GALNT11: variants seen among roughly 807,000 people sequenced by gnomAD.
The protein encoded by GALNT11 is polypeptide N-acetylgalactosaminyltransferase 11, also known as UDP-GalNAc:polypeptide N-acetylgalactosaminyltransferase 11.
A neutral mutation model predicts 72.7 loss-of-function variants in GALNT11; 47 were observed. The ratio of observed to expected loss-of-function variants is 0.65; its 90% CI spans 0.51 to 0.82. The LOEUF (loss-of-function observed/expected upper bound fraction) is 0.82. Among genes scored for constraint, GALNT11 ranks in the 40% least tolerant of loss-of-function variants. The pLI, the probability that GALNT11 is intolerant of heterozygous loss-of-function variation, is 0.00. For synonymous variants in GALNT11, 270 were observed against 286.6 expected (o/e 0.94, Z 0.58); for missense variants, 677 against 778.4 (o/e 0.87, Z 1.55).
At chr7:152,119,403 T>A (rs534179368) in intron 10 of GALNT11, 1 of 152,178 alleles carries the variant, frequency 6.6e-6, no homozygotes, top group South Asian at 2.1e-4. Flanking sequence ...AATTGTAGTG[T>A]CTCATTTCTA....
chr7:152,064,885 A>G lies in GALNT11; in HGVS notation c.-38-29305A>G, dbSNP rs1419671129. On this transcript the variant is annotated intron_variant, in intron 1 of 11. Coordinates refer to ENST00000430044, the MANE Select transcript of GALNT11 (RefSeq NM_022087.4). ...ACCTTTGTCTCTGGCTGCCCTTAAC[A>G]TTTTTTCCTTCATTTCAAATTTGGT... Among the ~76,000 whole-genome samples, 7 of 152,010 alleles carry G rather than the reference A, an allele frequency of 4.6e-5. No individual in the cohort carries two copies. In the East Asian group the frequency reaches 1.4e-3, roughly 29 times the overall value.
intron 9 of GALNT11, 90 bp downstream of exon 9, chr7:152,117,465 T>A: frequency 8.1e-7 from 1 of 1,237,458 alleles, no homozygotes; most frequent in Non-Finnish European, 1.2e-6. Flanking sequence ...GGTGACACTG[T>A]GGACTTAACA....
intron 2 of GALNT11, among the ~76,000 whole-genome samples, chr7:152,098,482 T>C (rs917094673): frequency 2.6e-5 from 4 of 152,040 alleles, no homozygotes; most frequent in African/African-American, 9.7e-5. Context: ...TCTCATTTAA[T>C]CTGAAATTAA....
rs1381267621 is a variant in GALNT11, at chr7:152,108,078, T to C, written c.753T>C (p.Asn251=). The C allele has an allele frequency of 1.2e-6, 2 of 1,613,614 alleles. No homozygotes were observed. Among genetic ancestry groups the C allele is most frequent in the Admixed American group, 1.7e-5 (1 of 60,024 alleles). The change falls in exon 6 of 12, where the codon AAT becomes AAC. Residue 251 remains asparagine (N), a synonymous_variant. Coordinates refer to ENST00000430044, the MANE Select transcript of GALNT11 (RefSeq NM_022087.4). ...TCCTGGACAGCCACTGTGAAGTGAA[T>C]GTGATGTGGCTGCAGCCCTTGCTGG... is the stretch of plus-strand genomic sequence containing the variant. ...LVFLDSHCEV[N]VMWLQPLLAA...
chr7:152,114,185 C>A (rs1014434418), intron 8 of GALNT11, among the ~76,000 whole-genome samples: 2 of 152,110 alleles, frequency 1.3e-5, no homozygotes, highest in Non-Finnish European at 2.9e-5. Flanking sequence ...TATATATTTT[C>A]TTTGTAATGA....
intron 1 of GALNT11, among the ~76,000 whole-genome samples, chr7:152,071,793 C>T (rs1295802317): frequency 6.6e-6 from 1 of 152,148 alleles, no homozygotes; most frequent in Non-Finnish European, 1.5e-5. Flanking sequence ...GTTCTTCTGC[C>T]ATGGCTTCAG....
chr7:152,074,624 G>T (rs761567511), intron 1 of GALNT11, among the ~76,000 whole-genome samples: 13 of 152,066 alleles, frequency 8.5e-5, no homozygotes, highest in Non-Finnish European at 1.2e-4. Flanking sequence ...GCCACTTTTA[G>T]TATATTTGGA....
intron 1 of GALNT11, among the ~76,000 whole-genome samples, chr7:152,032,656 A>C (rs1038529618): frequency 3.9e-5 from 6 of 152,128 alleles, no homozygotes; most frequent in African/African-American, 1.4e-4. Flanking sequence ...ATGTGGTGGG[A>C]TCTTTTAACC....
Position 152,101,028 on chromosome 7 carries a change from T to C in GALNT11, c.419+107T>C. On this transcript the variant is annotated intron_variant, in intron 3 of 11. Transcript: ENST00000430044. ...TTCATATTTCCCAATGCAGCGTCTT[T>C]ATTCAGCATACTAGGAAACTTGAGA... The C allele has an allele frequency of 5.7e-6, 8 of 1,413,248 alleles. No homozygotes were observed. The South Asian group carries it at 7.8e-5, about 14-fold the overall frequency. The allele number at this position is 1,413,248 out of a possible 1,614,324, so 87.5% of individuals were successfully genotyped here.
chr7:152,041,786 C>T (rs1184033248), intron 1 of GALNT11, among the ~76,000 whole-genome samples: 3 of 152,198 alleles, frequency 2.0e-5, no homozygotes, highest in Non-Finnish European at 2.9e-5. Context: ...CAATTAATGT[C>T]CCCTAGTAAT....
At chr7:152,092,113 CTT>C (rs1197639161) in intron 1 of GALNT11, among the ~76,000 whole-genome samples, 1 of 152,164 alleles carries the variant, frequency 6.6e-6, no homozygotes, top group East Asian at 1.9e-4. Flanking sequence ...CGGTTACACT[CTT>C]TAACTTCAGG....
chr7:152,059,645 G>A (rs995199543), intron 1 of GALNT11, among the ~76,000 whole-genome samples: 21 of 152,148 alleles, frequency 1.4e-4, no homozygotes, highest in African/African-American at 5.1e-4. Context: ...GAGTTTTGGG[G>A]TGACTAGGTA....
At position 152,118,729 on chromosome 7, in the gene GALNT11, C is replaced by T; in HGVS notation, c.1504C>T (p.Gln502Ter). 6.2e-7 allele frequency: 1 copy of T among 1,611,990 alleles called. No individual in the cohort carries two copies. The highest frequency in any genetic ancestry group is 1.1e-5 in the South Asian group (1 of 90,736). ...KCLVAQGRPS[Q>*]KGGLVVLKAC... is the part of the protein sequence containing the mutation. Reference sequence around the variant, plus strand: ...CCTGGTGGCCCAGGGCCGCCCAAGTCAGAAGGGAGGTCTCGTGGTGCTTAA... The same window carrying T: ...CCTGGTGGCCCAGGGCCGCCCAAGTTAGAAGGGAGGTCTCGTGGTGCTTAA... Residue 502 changes from glutamine (Q) to a stop codon, truncating the protein, a stop_gained, in exon 10 of 12, where the codon CAG (glutamine) becomes TAG (stop). Coordinates refer to ENST00000430044, the MANE Select transcript of GALNT11 (RefSeq NM_022087.4). LOFTEE classifies it high-confidence loss of function.
chr7:152,048,592 C>T (rs888797039), intron 1 of GALNT11, among the ~76,000 whole-genome samples: 3 of 151,302 alleles, frequency 2.0e-5, no homozygotes, highest in Admixed American at 6.6e-5. Flanking sequence ...TGCAGTGGTG[C>T]GATCTCAACT....
intron 1 of GALNT11, among the ~76,000 whole-genome samples, chr7:152,064,991 T>C (rs1360053775): frequency 6.6e-6 from 1 of 152,218 alleles, no homozygotes; most frequent in Non-Finnish European, 1.5e-5. Flanking sequence ...TGAATTTGAA[T>C]GTTGGCCTGC....
intron 1 of GALNT11, among the ~76,000 whole-genome samples, chr7:152,072,323 A>G (rs1363869994): frequency 1.3e-5 from 2 of 151,970 alleles, no homozygotes; most frequent in Non-Finnish European, 2.9e-5. Context: ...TCAAAAAAAA[A>G]AAAAAAAAAG....
intron 1 of GALNT11, among the ~76,000 whole-genome samples, chr7:152,066,798 G>GT (rs1424598538): frequency 6.6e-6 from 1 of 152,200 alleles, no homozygotes; most frequent in Non-Finnish European, 1.5e-5. Context: ...TAAGTTCCCT[G>GT]TTTCACATCT....
intron 4 of GALNT11, 111 bp downstream of exon 4, chr7:152,103,389 C>A: frequency 1.9e-6 from 2 of 1,077,186 alleles, no homozygotes; most frequent in African/African-American, 1.5e-5. Context: ...GGATCCTACA[C>A]GTGCAGTCAC....
intron 1 of GALNT11, among the ~76,000 whole-genome samples, chr7:152,090,191 G>T (rs1429589269): frequency 6.6e-6 from 1 of 152,086 alleles, no homozygotes; most frequent in Non-Finnish European, 1.5e-5. Context: ...GAGTGACCAG[G>T]GACAGTTTGG....
Sources: allele counts gnomAD v4.1 joint callset (sites outside exome capture counted in the v4.1 genomes callset), GRCh38; gene constraint gnomAD v4.1.1; transcripts MANE v1.5; gene names NCBI Gene and HGNC (gene_info 2026-07-23, HGNC 2026-07-21).